PHKB: variants seen among roughly 807,000 people sequenced by gnomAD.
PHKB encodes phosphorylase kinase regulatory subunit beta, also known as phosphorylase b kinase regulatory subunit beta.
In PHKB, 122 loss-of-function variants were observed where a neutral mutation model predicts 152.1. That is an observed-to-expected ratio of 0.80 (90% CI 0.69 to 0.93). The LOEUF is 0.93. Among genes scored for constraint, PHKB ranks in the 40% least tolerant of loss-of-function variants. The pLI is 0.00. For missense variants in PHKB, 1,304 were observed against 1,328.4 expected (o/e 0.98, Z 0.29); for synonymous variants, 436 against 464.9 (o/e 0.94, Z 0.80).
At chr16:47,646,394 G>C (rs1286279417) in intron 16 of PHKB, among the ~76,000 whole-genome samples, 1 of 99,782 alleles carries the variant, frequency 1.0e-5, no homozygotes, top group Non-Finnish European at 2.0e-5. Context: ...GTCGGGGGAG[G>C]GGGGAGGGAT....
intron 12 of PHKB, among the ~76,000 whole-genome samples, chr16:47,595,903 G>T (rs981942581): frequency 3.3e-5 from 5 of 152,112 alleles, no homozygotes; most frequent in Admixed American, 2.0e-4. Flanking sequence ...TATCAAATCT[G>T]TTGCCTCCTG....
chr16:47,610,814 TC>T lies in PHKB; in HGVS notation c.1364-11del. 5.2e-6 allele frequency: 8 copies of T among 1,528,044 alleles called. No homozygotes were observed. Among genetic ancestry groups the T allele is most frequent in the Non-Finnish European group, 7.3e-6 (8 of 1,101,852 alleles). The allele number at this position is 1,528,044 out of a possible 1,614,324, so 94.7% of individuals were successfully genotyped here. A position where few individuals can be genotyped will look rare whatever the true frequency, so the allele number is the denominator to read the frequency against. ...GCATTTTCGATAATGTCATTCCCCT[TC>T]TTTTTTTCAGCTGATGAACTTATTA... On this transcript the variant is annotated splice_polypyrimidine_tract_variant and intron_variant, in intron 13 of 30. Transcript: ENST00000323584.
intron 4 of PHKB, among the ~76,000 whole-genome samples, chr16:47,504,268 A>G (rs1009321063): frequency 6.6e-6 from 1 of 152,216 alleles, no homozygotes; most frequent in Non-Finnish European, 1.5e-5. Context: ...AACATATGTA[A>G]AATGTCTGTC....
chr16:47,692,399 T>C (rs1407147815), intron 27 of PHKB, among the ~76,000 whole-genome samples: 1 of 152,134 alleles, frequency 6.6e-6, no homozygotes, highest in Admixed American at 6.5e-5. Context: ...GAGGATTACT[T>C]GAGGCCAGGA....
At chr16:47,593,190 G>GGA (rs376684514) in intron 10 of PHKB, among the ~76,000 whole-genome samples, 20 of 140,414 alleles carry the variant, frequency 1.4e-4, no homozygotes, top group East Asian at 6.4e-4. Context: ...AGAGAGGGAG[G>GGA]GAGAGAGAGA....
chr16:47,557,593 C>G (rs1286733511), intron 7 of PHKB, among the ~76,000 whole-genome samples: 2 of 152,194 alleles, frequency 1.3e-5, no homozygotes, highest in Admixed American at 6.5e-5. Context: ...AGACACTTCT[C>G]AAAAGAAGAC....
Position 47,664,949 on chromosome 16 carries a change from A to G in PHKB, c.2401A>G (p.Thr801Ala). 1 of 1,613,120 alleles carries G rather than the reference A, an allele frequency of 6.2e-7. No homozygotes were observed. The highest frequency in any genetic ancestry group is 8.5e-7 in the Non-Finnish European group (1 of 1,179,172). Residue 801 changes from threonine (T) to alanine (A), a missense_variant, in exon 25 of 31, where the codon ACT becomes GCT. By Grantham distance (58) the Thr-to-Ala change is moderately conservative. Transcript: ENST00000323584. ...TTCTTCCTCTATAGCCCCACACATT[A>G]CTACTTTTCTGGTACATGGGAAACA... ...KFSSSIAPHI[T>A]TFLVHGKQVT... is the part of the protein sequence containing the mutation.
chr16:47,499,568 A>G (rs1245831173), intron 2 of PHKB, among the ~76,000 whole-genome samples, 188 bp from the exon 3 acceptor site: 1 of 152,242 alleles, frequency 6.6e-6, no homozygotes, highest in Non-Finnish European at 1.5e-5. Context: ...TTCTTTATGT[A>G]GGGTGGATTC....
At chr16:47,623,536 C>A (rs1972654558) in intron 14 of PHKB, among the ~76,000 whole-genome samples, 1 of 134,898 alleles carries the variant, frequency 7.4e-6, no homozygotes, top group East Asian at 2.1e-4. Context: ...TTTTAATTAG[C>A]TCCATATATT....
intron 16 of PHKB, among the ~76,000 whole-genome samples, chr16:47,647,927 A>T (rs564252105): frequency 3.9e-4 from 60 of 152,290 alleles, no homozygotes; most frequent in African/African-American, 1.3e-3. Flanking sequence ...ATATTTATTG[A>T]TGTACTTTTA....
chr16:47,496,771 A>G lies in PHKB; in HGVS notation c.77-628A>G, dbSNP rs188230813. Among the ~76,000 whole-genome samples, 525 of 152,328 alleles carry G rather than the reference A, an allele frequency of 3.4e-3. 14 individuals are homozygous for G. Among genetic ancestry groups the G allele is most frequent in the Admixed American group, 0.031 (482 of 15,304 alleles). Reference sequence around the variant, plus strand: ...ATTGTGTATTTTGTAGCTTTTGAGCAGCTGACTCTGCTAACACCTTTGAGT... The same window carrying G: ...ATTGTGTATTTTGTAGCTTTTGAGCGGCTGACTCTGCTAACACCTTTGAGT... On this transcript the variant is annotated intron_variant, in intron 1 of 30. Transcript: ENST00000323584.
intron 26 of PHKB, among the ~76,000 whole-genome samples, chr16:47,683,122 G>C (rs1973894365): frequency 6.6e-6 from 1 of 152,164 alleles, no homozygotes; most frequent in Non-Finnish European, 1.5e-5. Flanking sequence ...CGTTCCTCTG[G>C]AAGTTTTGTC....
chr16:47,468,497 CAA>C (rs1969708171), intron 1 of PHKB, among the ~76,000 whole-genome samples: 1 of 152,080 alleles, frequency 6.6e-6, no homozygotes, highest in South Asian at 2.1e-4. Flanking sequence ...ACTAATAATA[CAA>C]AAAATTAGCC....
At chr16:47,518,433 G>T (rs926727715) in intron 6 of PHKB, among the ~76,000 whole-genome samples, 1 of 152,142 alleles carries the variant, frequency 6.6e-6, no homozygotes, top group African/African-American at 2.4e-5. Context: ...TTGGGAGAGG[G>T]CCATGGTCTT....
At chr16:47,695,102 G>A (rs1212331466) in intron 28 of PHKB, among the ~76,000 whole-genome samples, 1 of 152,140 alleles carries the variant, frequency 6.6e-6, no homozygotes, top group East Asian at 1.9e-4. Context: ...CACACATCTA[G>A]TAAGTAGCTG....
chr16:47,561,369 C>G (rs1422593409), intron 7 of PHKB: 1 of 152,162 alleles, frequency 6.6e-6, no homozygotes, highest in African/African-American at 2.4e-5. Flanking sequence ...TCACTAAAGC[C>G]TTCTGGCTAT....
intron 7 of PHKB, chr16:47,566,544 C>T: frequency 6.3e-7 from 1 of 1,593,214 alleles, no homozygotes; most frequent in Non-Finnish European, 8.5e-7. Flanking sequence ...GATATTTAGT[C>T]CTCTAAAGAA....
In PHKB at chr16:47,635,396, T is replaced by C. The variant is rs542789371; in HGVS notation, c.1459-5639T>C. Among the ~76,000 whole-genome samples, 33 of 152,314 alleles carry C rather than the reference T, an allele frequency of 2.2e-4. No homozygotes were observed. The South Asian group carries it at 6.6e-3, about 31-fold the overall frequency. On this transcript the variant is annotated intron_variant, in intron 14 of 30. Coordinates refer to ENST00000323584, the MANE Select transcript of PHKB (RefSeq NM_000293.3). Reference sequence around the variant, plus strand: ...TTTAATATAGCCACCTGATTCTCAATAAGTGTTCTCAGTTTTTGTCACTGT... The same window carrying C: ...TTTAATATAGCCACCTGATTCTCAACAAGTGTTCTCAGTTTTTGTCACTGT...
intron 6 of PHKB, among the ~76,000 whole-genome samples, chr16:47,545,521 T>G (rs546793833): frequency 6.6e-6 from 1 of 152,236 alleles, no homozygotes; most frequent in Non-Finnish European, 1.5e-5. Context: ...TGGCTGCTGT[T>G]AATATTTTTT....
Sources: allele counts gnomAD v4.1 joint callset (sites outside exome capture counted in the v4.1 genomes callset), GRCh38; gene constraint gnomAD v4.1.1; transcripts MANE v1.5; gene names NCBI Gene and HGNC (gene_info 2026-07-23, HGNC 2026-07-21).